Variants in CACNB4 observed in about 807,000 individuals in gnomAD.
CACNB4 encodes calcium voltage-gated channel auxiliary subunit beta 4.
A neutral mutation model predicts 71.2 loss-of-function variants in CACNB4; 32 were observed. The ratio of observed to expected loss-of-function variants is 0.45; its 90% CI spans 0.34 to 0.60. The LOEUF (loss-of-function observed/expected upper bound fraction) is 0.60. Ranked by LOEUF, CACNB4 falls within the 20% of genes least tolerant of loss-of-function variation. The pLI, the probability that CACNB4 is intolerant of heterozygous loss-of-function variation, is 0.01. For missense variants in CACNB4, 464 were observed against 647.9 expected, an observed-to-expected ratio of 0.72 and a Z score of 3.08; for synonymous variants, 231 against 236.9, an observed-to-expected ratio of 0.97 and a Z score of 0.23.
In CACNB4 at chr2:152,049,148, T is replaced by G. The variant is rs547764501; in HGVS notation, c.147+49182A>C. The stretch of plus-strand genomic sequence containing the variant: ...ACCTTGATACCATTCTCTCCCCCAT[T>G]TGCATTCTCTCTTTTTTTTTTTTAA... On this transcript the variant is annotated intron_variant, in intron 2 of 13. Coordinates refer to ENST00000539935, the MANE Select transcript of CACNB4 (RefSeq NM_000726.5). Among the ~76,000 whole-genome samples the G allele has an allele frequency of 6.6e-5, 10 of 152,090 alleles. No homozygotes were observed. The South Asian group carries it at 1.7e-3, about 25-fold the overall frequency.
intron 2 of CACNB4, among the ~76,000 whole-genome samples, chr2:151,885,091 A>G (rs564083382): frequency 6.6e-6 from 1 of 152,350 alleles, no homozygotes; most frequent in South Asian, 2.1e-4. Flanking sequence ...CAAGGGTAGC[A>G]TAGATTTTCC....
intron 2 of CACNB4, among the ~76,000 whole-genome samples, chr2:152,086,714 T>A (rs1484696876): frequency 6.6e-6 from 1 of 152,218 alleles, no homozygotes; most frequent in African/African-American, 2.4e-5. Context: ...TTTCTATTGT[T>A]CATATACTTT....
Position 151,984,218 on chromosome 2 carries a change from G to A in CACNB4, c.148-100848C>T, listed in dbSNP as rs533226833. On this transcript the variant is annotated intron_variant, in intron 2 of 13. Transcript: ENST00000539935. Reference sequence around the variant, plus strand: ...TGCTTTGGAAATGTTGACATGCAACGAAAGAGATACTAACAAACACAAACA... The same window carrying A: ...TGCTTTGGAAATGTTGACATGCAACAAAAGAGATACTAACAAACACAAACA... Among the ~76,000 whole-genome samples, 28 of 152,194 alleles carry A rather than the reference G, an allele frequency of 1.8e-4. No homozygotes were observed. In the South Asian group the frequency reaches 4.6e-3, roughly 25 times the overall value.
chr2:151,958,847 T>A (rs2099868950), intron 2 of CACNB4, among the ~76,000 whole-genome samples: 2 of 152,208 alleles, frequency 1.3e-5, no homozygotes, highest in Admixed American at 6.5e-5. Flanking sequence ...CGGCTCCCAA[T>A]TACCTACTGC....
chr2:151,909,027 GA>G lies in CACNB4; in HGVS notation c.148-25658del, dbSNP rs569135736. The stretch of plus-strand genomic sequence containing the variant: ...AATATTAATTGGATAAATTTAGAAA[GA>G]AAAAAAAACTTTAGGTAAGTTTTTA... On this transcript the variant is annotated intron_variant, in intron 2 of 13. Transcript: ENST00000539935. 1.9e-3 allele frequency among the ~76,000 whole-genome samples: 280 copies of G among 147,404 alleles called. 1 individual carries two copies. Among genetic ancestry groups the G allele is most frequent in the Non-Finnish European group, 3.4e-3 (228 of 66,836 alleles).
At chr2:152,042,406 G>A (rs981993768) in intron 2 of CACNB4, among the ~76,000 whole-genome samples, 2 of 152,044 alleles carry the variant, frequency 1.3e-5, no homozygotes, top group Non-Finnish European at 2.9e-5. Flanking sequence ...ACTTCTTCAG[G>A]CTCCTGCTTA....
chr2:152,090,653 A>C (rs1208142210), intron 2 of CACNB4, among the ~76,000 whole-genome samples: 1 of 151,916 alleles, frequency 6.6e-6, no homozygotes. Flanking sequence ...CAAAAAAAAA[A>C]AAGAAAAAAA....
At chr2:152,069,289 T>A (rs1199442910) in intron 2 of CACNB4, among the ~76,000 whole-genome samples, 1 of 152,080 alleles carries the variant, frequency 6.6e-6, no homozygotes, top group South Asian at 2.1e-4. Flanking sequence ...CCCAAATAAA[T>A]ACCTGCATAC....
intron 2 of CACNB4, among the ~76,000 whole-genome samples, chr2:152,046,931 G>A (rs1414520686): frequency 6.6e-6 from 1 of 152,060 alleles, no homozygotes; most frequent in African/African-American, 2.4e-5. Context: ...AAAGATTCAG[G>A]CAAAGTGAAA....
At chr2:151,882,402 A>G (rs1014588027) in intron 3 of CACNB4, among the ~76,000 whole-genome samples, 12 of 151,952 alleles carry the variant, frequency 7.9e-5, no homozygotes, top group African/African-American at 2.9e-4. Context: ...GAAGGAATTC[A>G]CTTTATTTGG....
chr2:151,965,511 G>T (rs2099870850), intron 2 of CACNB4, among the ~76,000 whole-genome samples: 1 of 152,170 alleles, frequency 6.6e-6, no homozygotes, highest in South Asian at 2.1e-4. Flanking sequence ...ATAATGAGCT[G>T]AAGAAAATTC....
chr2:151,986,744 A>T (rs188267563), intron 2 of CACNB4, among the ~76,000 whole-genome samples: 81 of 152,336 alleles, frequency 5.3e-4, no homozygotes, highest in African/African-American at 1.8e-3. Flanking sequence ...GTACAATGCC[A>T]TCTGACGGGG....
At chr2:152,052,911 G>A (rs558814693) in intron 2 of CACNB4, among the ~76,000 whole-genome samples, 38 of 152,080 alleles carry the variant, frequency 2.5e-4, no homozygotes, top group African/African-American at 8.4e-4. Context: ...GAACCCGGGA[G>A]ATGGAGGTTG....
intron 2 of CACNB4, among the ~76,000 whole-genome samples, chr2:151,935,617 A>T (rs1391688334): frequency 1.3e-5 from 2 of 152,220 alleles, no homozygotes; most frequent in Non-Finnish European, 2.9e-5. Context: ...TTACAGACAA[A>T]TCCATATGCG....
At chr2:151,989,157 A>G (rs1681546896) in intron 2 of CACNB4, among the ~76,000 whole-genome samples, 1 of 152,134 alleles carries the variant, frequency 6.6e-6, no homozygotes, top group Admixed American at 6.5e-5. Flanking sequence ...CTGGTTCCAT[A>G]TGCTCTCTTG....
chr2:151,942,826 A>T (rs911955367), intron 2 of CACNB4, among the ~76,000 whole-genome samples: 6 of 152,062 alleles, frequency 3.9e-5, no homozygotes, highest in Non-Finnish European at 8.8e-5. Flanking sequence ...TGCCCTGGTA[A>T]ATTTATGGTC....
intron 2 of CACNB4, chr2:151,969,192 T>G (rs1195613741): frequency 6.6e-6 from 1 of 152,196 alleles, no homozygotes; most frequent in South Asian, 2.1e-4. Flanking sequence ...ATCCAGTCCT[T>G]GGATTCTCTT....
At chr2:151,842,723 T>G (rs2099836538) in intron 12 of CACNB4, among the ~76,000 whole-genome samples, 1 of 152,186 alleles carries the variant, frequency 6.6e-6, no homozygotes, top group Admixed American at 6.5e-5. Context: ...ATTCACATCT[T>G]TAGCCATGTA....
rs1553753859 is a variant in CACNB4, at chr2:151,870,533, C to T, written c.697G>A (p.Glu233Lys). The T allele has an allele frequency of 1.2e-6, 2 of 1,612,202 alleles. No homozygotes were observed. Among genetic ancestry groups the T allele is most frequent in the South Asian group, 1.1e-5 (1 of 90,986 alleles). ...AGAGTAACAGATGATATTTGTACCT[C>T]GTAACCTTTCAGTGACGGCCCCACT... ...VLVGPSLKGY[E>K]VTDMMQKALF... The change falls in exon 8 of 14, where the codon GAG becomes AAG. Residue 233 changes from glutamate to lysine, a missense_variant and splice_region_variant. Glu to Lys is a moderately conservative substitution (Grantham distance 56, BLOSUM62 1). Transcript: ENST00000539935.
Sources: allele counts gnomAD v4.1 joint callset (sites outside exome capture counted in the v4.1 genomes callset), GRCh38; gene constraint gnomAD v4.1.1; transcripts MANE v1.5; gene names NCBI Gene and HGNC (gene_info 2026-07-23, HGNC 2026-07-21).